BTBD9: variants seen among roughly 807,000 people sequenced by gnomAD.
The protein encoded by BTBD9 is BTB domain containing 9.
In BTBD9, 49 loss-of-function variants were observed where a neutral mutation model predicts 64.3. The observed-to-expected ratio is 0.76, with a 90% CI of 0.61 to 0.97. The LOEUF (loss-of-function observed/expected upper bound fraction) is 0.97. Ranked by LOEUF, BTBD9 falls within the 50% of genes least tolerant of loss-of-function variation. BTBD9 has a pLI of 0.00. For synonymous variants in BTBD9, 260 were observed against 274.7 expected (o/e 0.95, Z 0.53); for missense variants, 598 against 762.1 (o/e 0.78, Z 2.53).
At chr6:38,438,552 T>G (rs1424242976) in intron 6 of BTBD9, among the ~76,000 whole-genome samples, 1 of 152,222 alleles carries the variant, frequency 6.6e-6, no homozygotes, top group Non-Finnish European at 1.5e-5. Context: ...GGCAACATTT[T>G]CAACACTACC....
intron 6 of BTBD9, among the ~76,000 whole-genome samples, chr6:38,474,551 AAGAAG>A (rs374822640): frequency 8.7e-5 from 13 of 150,070 alleles, no homozygotes; most frequent in African/African-American, 1.5e-4. Context: ...CGGAAAAGAA[AAGAAG>A]AGAAGAGAAG....
At chr6:38,415,510 C>A (rs191469606) in intron 6 of BTBD9, among the ~76,000 whole-genome samples, 1 of 152,268 alleles carries the variant, frequency 6.6e-6, no homozygotes, top group East Asian at 1.9e-4. Context: ...TTTTGGAATT[C>A]TGACTTCCAG....
chr6:38,527,440 C>T (rs1305131979), intron 6 of BTBD9, among the ~76,000 whole-genome samples: 2 of 152,094 alleles, frequency 1.3e-5, no homozygotes, highest in Non-Finnish European at 2.9e-5. Flanking sequence ...GACTGGATCA[C>T]AGGGGCAGTA....
intron 1 of BTBD9, among the ~76,000 whole-genome samples, chr6:38,632,144 T>C (rs941021567): frequency 6.6e-6 from 1 of 152,200 alleles, no homozygotes; most frequent in African/African-American, 2.4e-5. Flanking sequence ...AAAAAGTTTG[T>C]TGTCTTAAGC....
At chr6:38,453,023 A>T (rs925320743) in intron 6 of BTBD9, among the ~76,000 whole-genome samples, 6 of 152,166 alleles carry the variant, frequency 3.9e-5, no homozygotes, top group African/African-American at 1.2e-4. Context: ...AATACCATTC[A>T]TTCAAAGGAA....
At chr6:38,590,901 TC>T (rs1776763482) in intron 4 of BTBD9, among the ~76,000 whole-genome samples, 2 of 152,182 alleles carry the variant, frequency 1.3e-5, no homozygotes, top group African/African-American at 4.8e-5. Context: ...ATCCCTTGAA[TC>T]ATCAAGATCT....
chr6:38,226,771 G>C (rs762703872), intron 9 of BTBD9, among the ~76,000 whole-genome samples: 1 of 152,170 alleles, frequency 6.6e-6, no homozygotes. Flanking sequence ...ACACACACAC[G>C]CACTCACAGA....
intron 9 of BTBD9, among the ~76,000 whole-genome samples, chr6:38,253,074 A>G (rs6919511): frequency 9.2e-5 from 14 of 152,134 alleles, no homozygotes; most frequent in African/African-American, 3.4e-4. Context: ...AGCTCATGCC[A>G]CTGCACTCCA....
chr6:38,594,324 T>C lies in BTBD9; in HGVS notation c.189A>G (p.Ala63=), dbSNP rs370471904. The part of the protein sequence containing the change: ...ILAARCQYFR[A]LLYGGMRESQ... The stretch of plus-strand genomic sequence containing the variant: ...ACTCTCGCATTCCACCATATAATAA[T>C]GCTCTGCACATCAGGGAAGAAACAC... The change falls in exon 3 of 11, where the codon GCA becomes GCG. Residue 63 remains alanine, a synonymous_variant. Coordinates refer to ENST00000481247, the MANE Select transcript of BTBD9 (RefSeq NM_001099272.2). 2.1e-5 allele frequency: 33 copies of C among 1,601,760 alleles called. No individual in the cohort carries two copies. Among genetic ancestry groups the C allele is most frequent in the Non-Finnish European group, 2.8e-5 (33 of 1,172,626 alleles).
At chr6:38,571,454 G>A (rs1265314372) in intron 6 of BTBD9, among the ~76,000 whole-genome samples, 1 of 151,920 alleles carries the variant, frequency 6.6e-6, no homozygotes, top group Non-Finnish European at 1.5e-5. Context: ...AATCTAATGA[G>A]AATAGGTGAA....
At chr6:38,310,342 C>T (rs376364880) in intron 7 of BTBD9, among the ~76,000 whole-genome samples, 1 of 151,778 alleles carries the variant, frequency 6.6e-6, no homozygotes, top group South Asian at 2.1e-4. Flanking sequence ...GGAGACCTGG[C>T]GCAGTTTGGC....
At chr6:38,354,436 ATATATGAT>A (rs1420574600) in intron 6 of BTBD9, among the ~76,000 whole-genome samples, 2 of 152,170 alleles carry the variant, frequency 1.3e-5, no homozygotes, top group Non-Finnish European at 2.9e-5. Flanking sequence ...CAGTATTGTT[ATATATGAT>A]AATACTATAG....
At chr6:38,260,543 AAAG>A (rs1279381908) in intron 8 of BTBD9, among the ~76,000 whole-genome samples, 3 of 152,356 alleles carry the variant, frequency 2.0e-5, no homozygotes, top group East Asian at 1.9e-4. Context: ...AAGATAAAAA[AAAG>A]AAGGATAAAT....
In BTBD9 at chr6:38,218,593, C is replaced by T. The variant is rs538979207; in HGVS notation, c.1563-25996G>A. 2.0e-5 allele frequency among the ~76,000 whole-genome samples: 3 copies of T among 152,320 alleles called. No homozygotes were observed. The South Asian group carries it at 6.2e-4, about 32-fold the overall frequency. On this transcript the variant is annotated intron_variant, in intron 9 of 10. Coordinates refer to ENST00000481247, the MANE Select transcript of BTBD9 (RefSeq NM_001099272.2). ...TAGATCCCTTCCCAAATATTCTGTG[C>T]CATTCCAGTAGGTGTGGCCCATGTC...
rs1361890117 is a variant in BTBD9, at chr6:38,619,046, A to G, written c.-28+20754T>C. 2.0e-5 allele frequency among the ~76,000 whole-genome samples: 3 copies of G among 152,226 alleles called. No homozygotes were observed. The East Asian group carries it at 5.8e-4, about 29-fold the overall frequency. On this transcript the variant is annotated intron_variant, in intron 1 of 10. Transcript: ENST00000481247. ...AGAATTACGAAAAAGCCCATGAATT[A>G]TTCAATGATGTCCACCATAACTCAG...
At chr6:38,439,779 A>C (rs1269455151) in intron 6 of BTBD9, among the ~76,000 whole-genome samples, 1 of 152,084 alleles carries the variant, frequency 6.6e-6, no homozygotes, top group Non-Finnish European at 1.5e-5. Flanking sequence ...CTGCAGCCTC[A>C]AACTCCTGGG....
chr6:38,530,587 C>A (rs1450171429), intron 6 of BTBD9, among the ~76,000 whole-genome samples: 1 of 150,260 alleles, frequency 6.7e-6, no homozygotes, highest in Non-Finnish European at 1.5e-5. Flanking sequence ...AAAGAACCTA[C>A]ATTGAAATAT....
intron 7 of BTBD9, among the ~76,000 whole-genome samples, chr6:38,339,024 A>T (rs1323970357): frequency 6.6e-6 from 1 of 152,200 alleles, no homozygotes; most frequent in African/African-American, 2.4e-5. Context: ...AGAATTTAAA[A>T]ATGTTATAAT....
rs1341921546 is a variant in BTBD9 at position 38,302,499 on chromosome 6, A to G, written c.1265-14038T>C. On this transcript the variant is annotated intron_variant, in intron 7 of 10. Coordinates refer to ENST00000481247, the MANE Select transcript of BTBD9 (RefSeq NM_001099272.2). The stretch of plus-strand genomic sequence containing the variant: ...ATTGTGTGTATGTATATATATATAT[A>G]TATATATATATATATATATATATAT... Among the ~76,000 whole-genome samples the G allele has an allele frequency of 6.8e-3, 404 of 59,360 alleles. 3 individuals carry two copies. Among genetic ancestry groups the G allele is most frequent in the Middle Eastern group, 0.029 (4 of 136 alleles). The allele number at this position is 59,360 out of a possible 152,430, so 38.9% of individuals were successfully genotyped here.
Sources: allele counts gnomAD v4.1 joint callset (sites outside exome capture counted in the v4.1 genomes callset), GRCh38; gene constraint gnomAD v4.1.1; transcripts MANE v1.5; gene names NCBI Gene and HGNC (gene_info 2026-07-23, HGNC 2026-07-21).